Variants in UGT2B17 observed in about 807,000 individuals in gnomAD.
UGT2B17 encodes the protein UDP-glucuronosyltransferase 2B17.
A neutral mutation model predicts 48.2 loss-of-function variants in UGT2B17; 21 were observed. The observed-to-expected ratio is 0.44, with a 90% CI of 0.31 to 0.63. The LOEUF is 0.63. Among genes scored for constraint, UGT2B17 ranks in the 20% least tolerant of loss-of-function variants. UGT2B17 has a pLI of 0.08. For synonymous variants in UGT2B17, 146 were observed against 238.4 expected (o/e 0.61, Z 3.57); for missense variants, 402 against 696.1 (o/e 0.58, Z 4.75).
At chr4:68,575,228 C>T (rs1390928979) in intron 1 of UGT2B17, among the ~76,000 whole-genome samples, 2 of 95,752 alleles carry the variant, frequency 2.1e-5, no homozygotes, top group African/African-American at 7.6e-5. Context: ...CTTGCCTCTG[C>T]CAGCTGCTTA....
chr4:68,554,550 T>TC (rs1730969260), intron 4 of UGT2B17, among the ~76,000 whole-genome samples: 1 of 126,186 alleles, frequency 7.9e-6, no homozygotes, highest in Non-Finnish European at 1.7e-5. Flanking sequence ...TTTTTTTATC[T>TC]CATAGCTAAA....
intron 4 of UGT2B17, among the ~76,000 whole-genome samples, chr4:68,553,899 G>A (rs1367241294): frequency 8.2e-6 from 1 of 122,384 alleles, no homozygotes. Flanking sequence ...AAAGTGAAAG[G>A]GCATCTGCTC....
At position 68,556,657 on chromosome 4, in the gene UGT2B17, C is replaced by T. The variant is rs781108475; in HGVS notation, c.1005+3880G>A. Among the ~76,000 whole-genome samples, 23 of 125,724 alleles carry T rather than the reference C, an allele frequency of 1.8e-4. 3 individuals carry two copies. Among genetic ancestry groups the T allele is most frequent in the Non-Finnish European group, 3.6e-4 (21 of 59,150 alleles). The allele number at this position is 125,724 out of a possible 152,430, so 82.5% of individuals were successfully genotyped here. On this transcript the variant is annotated intron_variant, in intron 4 of 6. Coordinates refer to ENST00000317746, the MANE Select transcript of UGT2B17 (RefSeq NM_001077.4). The stretch of plus-strand genomic sequence containing the variant: ...CTGACTTCTTAATAAAGATTATAAA[C>T]GTTATGAAAGGCTGAGGAAAGTTAT...
chr4:68,563,544 G>T (rs1298167447), intron 3 of UGT2B17, among the ~76,000 whole-genome samples: 2 of 126,556 alleles, frequency 1.6e-5, no homozygotes, highest in African/African-American at 5.4e-5. Flanking sequence ...TGAACCTAGA[G>T]GGTGGAGGTT....
In UGT2B17 at chr4:68,565,350, C is replaced by A; in HGVS notation, c.873+222G>T. On this transcript the variant is annotated intron_variant, in intron 3 of 6. Transcript: ENST00000317746. ...TGCACAATGAAGGCCTTACTTTAAC[C>A]AACCCTGTTTTCAAAATCTCCCTAG... is the stretch of plus-strand genomic sequence containing the variant. Among the ~76,000 whole-genome samples, 2 of 125,358 alleles carry A rather than the reference C, an allele frequency of 1.6e-5. 1 individual carries two copies. The highest frequency in any genetic ancestry group is 3.4e-5 in the Non-Finnish European group (2 of 59,376). 82.2% of individuals were successfully genotyped at this position (125,358 alleles called of 152,430 possible). A position where few individuals can be genotyped will look rare whatever the true frequency, so the allele number is the denominator to read the frequency against.
Position 68,565,464 on chromosome 4 carries a change from T to C in UGT2B17, c.873+108A>G. On this transcript the variant is annotated intron_variant, in intron 3 of 6. Coordinates refer to ENST00000317746, the MANE Select transcript of UGT2B17 (RefSeq NM_001077.4). ...ATTTTCTAATGGCAAGTCCTTTTTT[T>C]TGACCTCCCATATTCCCCTCACTCT... 2 of 1,019,584 alleles carry C rather than the reference T, an allele frequency of 2.0e-6. 1 individual carries two copies. 63.2% of individuals were successfully genotyped at this position (1,019,584 alleles called of 1,614,324 possible).
chr4:68,551,990 T>C lies in UGT2B17; in HGVS notation c.1006-79A>G, dbSNP rs965006384. 18 of 954,120 alleles carry C rather than the reference T, an allele frequency of 1.9e-5. 3 individuals carry two copies. The highest frequency in any genetic ancestry group is 2.6e-5 in the Admixed American group (1 of 38,048). The allele number at this position is 954,120 out of a possible 1,614,324, so 59.1% of individuals were successfully genotyped here. A position where few individuals can be genotyped will look rare whatever the true frequency, so the allele number is the denominator to read the frequency against. ...CTTGTTAGAATTCTGAAGAGATTAA[T>C]AATCAGTTAATCCATATAAAAGATG... is the stretch of plus-strand genomic sequence containing the variant. On this transcript the variant is annotated intron_variant, in intron 4 of 6. Coordinates refer to ENST00000317746, the MANE Select transcript of UGT2B17 (RefSeq NM_001077.4).
intron 4 of UGT2B17, among the ~76,000 whole-genome samples, chr4:68,559,619 A>G (rs1731065762): frequency 7.9e-6 from 1 of 126,496 alleles, no homozygotes. Flanking sequence ...TTCAGCAAAA[A>G]CTTGCATAGA....
chr4:68,547,033 A>T (rs1730825809), intron 6 of UGT2B17, among the ~76,000 whole-genome samples: 1 of 118,232 alleles, frequency 8.5e-6, no homozygotes, highest in Non-Finnish European at 1.8e-5. Flanking sequence ...TGCCATCCCC[A>T]TCAAGCTACC....
intron 4 of UGT2B17, among the ~76,000 whole-genome samples, chr4:68,560,268 C>T (rs1450628197): frequency 2.7e-5 from 3 of 111,782 alleles, no homozygotes; most frequent in Admixed American, 9.4e-5. Flanking sequence ...GTACATGCTA[C>T]GATACCATGA....
rs1222065693 is a variant in UGT2B17 at position 68,541,850 on chromosome 4, G to GT, written c.1314-3947dup. ...GGTGTAAGGCAGGGGTATAGTTTCT[G>GT]TTTTTTGCATATGGCCAGCCAGTTT... On this transcript the variant is annotated intron_variant, in intron 6 of 6. Transcript: ENST00000317746. Among the ~76,000 whole-genome samples the GT allele has an allele frequency of 1.5e-4, 19 of 126,324 alleles. 3 individuals are homozygous for GT. Among genetic ancestry groups the GT allele is most frequent in the African/African-American group, 5.1e-4 (19 of 36,958 alleles). 82.9% of individuals were successfully genotyped at this position (126,324 alleles called of 152,430 possible). A position where few individuals can be genotyped will look rare whatever the true frequency, so the allele number is the denominator to read the frequency against.
Position 68,567,934 on chromosome 4 carries a change from T to C in UGT2B17, c.551A>G (p.Asn184Ser). ...AGGAGGGAACAGAAATCCTCCACCA[T>C]TCTTCTCAACTGTGTAGCCAACAGA... is the stretch of plus-strand genomic sequence containing the variant. ...RFSVGYTVEKNGGGFLFPPSY... is the reference protein window; with the variant it reads ...RFSVGYTVEKSGGGFLFPPSY... Residue 184 changes from asparagine (N) to serine (S), a missense_variant, in exon 2 of 7, where the codon AAT (asparagine) becomes AGT (serine). Asn to Ser is a conservative substitution (Grantham distance 46). Transcript: ENST00000317746. The C allele has an allele frequency of 3.6e-6, 5 of 1,380,280 alleles. 1 individual carries two copies. The highest frequency in any genetic ancestry group is 4.7e-6 in the Non-Finnish European group (5 of 1,054,872). 85.5% of individuals were successfully genotyped at this position (1,380,280 alleles called of 1,614,324 possible). A position where few individuals can be genotyped will look rare whatever the true frequency, so the allele number is the denominator to read the frequency against.
chr4:68,574,946 T>TC lies in UGT2B17; in HGVS notation c.-65+1004dup, dbSNP rs751181341. On this transcript the variant is annotated intron_variant, in intron 1 of 6. Coordinates refer to ENST00000317746, the MANE Select transcript of UGT2B17 (RefSeq NM_001077.4). Reference sequence around the variant, plus strand: ...CTCTTTTTACATAAATTTTACCTCCTCCCCCCCCTTTTTTTTTTGAAGATA... The same window carrying TC: ...CTCTTTTTACATAAATTTTACCTCCTCCCCCCCCCTTTTTTTTTTGAAGATA... Among the ~76,000 whole-genome samples the TC allele has an allele frequency of 2.1e-3, 145 of 68,564 alleles. 59 individuals are homozygous for TC. In the East Asian group the frequency reaches 0.58, roughly 274 times the overall value. The allele number at this position is 68,564 out of a possible 152,430, so 45.0% of individuals were successfully genotyped here. A position where few individuals can be genotyped will look rare whatever the true frequency, so the allele number is the denominator to read the frequency against.
chr4:68,552,409 T>C lies in UGT2B17; in HGVS notation c.1006-498A>G, dbSNP rs1036442870. Among the ~76,000 whole-genome samples the C allele has an allele frequency of 1.7e-4, 22 of 126,070 alleles. 3 individuals are homozygous for C. The highest frequency in any genetic ancestry group is 5.4e-4 in the African/African-American group (20 of 36,976). The allele number at this position is 126,070 out of a possible 152,430, so 82.7% of individuals were successfully genotyped here. On this transcript the variant is annotated intron_variant, in intron 4 of 6. Transcript: ENST00000317746. ...CAAGTTGCTCTGCCTTTGTTTCTAG[T>C]TGTCCCCCATTTCTGGACTGAACAA...
At chr4:68,555,404 G>A (rs1315123985) in intron 4 of UGT2B17, among the ~76,000 whole-genome samples, 1 of 126,078 alleles carries the variant, frequency 7.9e-6, no homozygotes, top group Non-Finnish European at 1.7e-5. Context: ...TAGTCCACAG[G>A]CATTAAGCTT....
At chr4:68,549,346 T>TAAAAA (rs397766650) in intron 6 of UGT2B17, among the ~76,000 whole-genome samples, 1 of 99,756 alleles carries the variant, frequency 1.0e-5, no homozygotes, top group Non-Finnish European at 2.0e-5. Context: ...CTCCAAAAAG[T>TAAAAA]AAAAAAAAAA....
In UGT2B17 at chr4:68,546,682, G is replaced by A. The variant is rs12055078; in HGVS notation, c.1313+3995C>T. Among the ~76,000 whole-genome samples the A allele has an allele frequency of 1.5e-4, 19 of 125,402 alleles. 3 individuals carry two copies. The highest frequency in any genetic ancestry group is 5.2e-4 in the African/African-American group (19 of 36,716). The allele number at this position is 125,402 out of a possible 152,430, so 82.3% of individuals were successfully genotyped here. A position where few individuals can be genotyped will look rare whatever the true frequency, so the allele number is the denominator to read the frequency against. Reference sequence around the variant, plus strand: ...GATTGTATATCTAGAAAACCTGATCGTCTGAGCCCCAAATCTCCTTAAGCT... The same window carrying A: ...GATTGTATATCTAGAAAACCTGATCATCTGAGCCCCAAATCTCCTTAAGCT... On this transcript the variant is annotated intron_variant, in intron 6 of 6. Transcript: ENST00000317746.
chr4:68,568,639 T>C lies in UGT2B17; in HGVS notation c.-64-91A>G, dbSNP rs59678213. 422,599 of 829,748 alleles carry C rather than the reference T, an allele frequency of 0.51. 144,204 individuals are homozygous for C. Among genetic ancestry groups the C allele is most frequent in the East Asian group, 0.65 (4,635 of 7,140 alleles). The allele number at this position is 829,748 out of a possible 1,614,324, so 51.4% of individuals were successfully genotyped here. ...AGTGTGTTTGGTGTTCTTTTATATT[T>C]ACAATTACTCTAGTCAAGCAATAAT... is the stretch of plus-strand genomic sequence containing the variant. On this transcript the variant is annotated intron_variant, in intron 1 of 6. Transcript: ENST00000317746.
chr4:68,539,274 A>T lies in UGT2B17; in HGVS notation c.1314-1370T>A, dbSNP rs1240269831. Among the ~76,000 whole-genome samples the T allele has an allele frequency of 3.2e-5, 4 of 125,546 alleles. 1 individual carries two copies. Among genetic ancestry groups the T allele is most frequent in the Admixed American group, 8.3e-5 (1 of 12,102 alleles). The allele number at this position is 125,546 out of a possible 152,430, so 82.4% of individuals were successfully genotyped here. ...ACTTTTATCCTCAAAGTAAGTATTAACCTGAATTCTAATATCATAGATTAT... is the reference window on the plus strand; with the variant it reads ...ACTTTTATCCTCAAAGTAAGTATTATCCTGAATTCTAATATCATAGATTAT... On this transcript the variant is annotated intron_variant, in intron 6 of 6. Coordinates refer to ENST00000317746, the MANE Select transcript of UGT2B17 (RefSeq NM_001077.4).
Sources: gnomAD v4.1 joint callset for allele counts (sites outside exome capture counted in the v4.1 genomes callset) on GRCh38, gnomAD v4.1.1 for gene constraint, MANE v1.5 for transcripts, NCBI Gene and HGNC (gene_info 2026-07-23, HGNC 2026-07-21) for gene names.